The following SORBS2 variants were observed in gnomAD, a reference collection of about 807,000 sequenced individuals.
SORBS2 encodes sorbin and SH3 domain containing 2.
SORBS2 carries 46 observed loss-of-function variants against 97.7 expected under a neutral mutation model. The ratio of observed to expected loss-of-function variants is 0.47; its 90% CI spans 0.37 to 0.60. The LOEUF (loss-of-function observed/expected upper bound fraction) is 0.60, where lower values mean the gene tolerates loss of function less well. Ranked by LOEUF, SORBS2 falls within the 20% of genes least tolerant of loss-of-function variation. SORBS2 has a pLI of 0.00. For synonymous variants in SORBS2, 476 were observed against 473.4 expected, an observed-to-expected ratio of 1.01 and a Z score of -0.07; for missense variants, 1,316 against 1,282.3, an observed-to-expected ratio of 1.03 and a Z score of -0.40.
At chr4:185,640,459 C>T (rs1012004713) in intron 4 of SORBS2, among the ~76,000 whole-genome samples, 1 of 152,128 alleles carries the variant, frequency 6.6e-6, no homozygotes, top group African/African-American at 2.4e-5. Flanking sequence ...TCAGAGAGAA[C>T]ATCCTACTAT....
At chr4:185,799,689 A>G (rs1475309204) in intron 1 of SORBS2, among the ~76,000 whole-genome samples, 1 of 152,214 alleles carries the variant, frequency 6.6e-6, no homozygotes, top group African/African-American at 2.4e-5. Context: ...AACTCCCAGG[A>G]ACAACCAACA....
chr4:185,700,454 G>A (rs909063525), intron 2 of SORBS2, among the ~76,000 whole-genome samples: 8 of 151,954 alleles, frequency 5.3e-5, no homozygotes, highest in African/African-American at 1.9e-4. Flanking sequence ...ATGTACTTGA[G>A]GTTTATTTTT....
chr4:185,719,584 A>T (rs1157497980), intron 2 of SORBS2, among the ~76,000 whole-genome samples: 2 of 152,228 alleles, frequency 1.3e-5, no homozygotes, highest in African/African-American at 2.4e-5. Context: ...TTTGGTGGCA[A>T]GCATCATCAA....
chr4:185,680,247 G>C (rs543674936), intron 2 of SORBS2, among the ~76,000 whole-genome samples: 2 of 152,330 alleles, frequency 1.3e-5, no homozygotes, highest in East Asian at 3.9e-4. Context: ...GGGCTCAAGA[G>C]ATCCTACAGC....
At chr4:185,791,800 G>A (rs897573193) in intron 1 of SORBS2, among the ~76,000 whole-genome samples, 1 of 151,998 alleles carries the variant, frequency 6.6e-6, no homozygotes, top group African/African-American at 2.4e-5. Context: ...TCAACAAAGG[G>A]AAATTGTTCA....
At chr4:185,678,868 T>C (rs1582560749) in intron 2 of SORBS2, 46 bp from the exon 6 acceptor site, 3 of 1,174,730 alleles carry the variant, frequency 2.6e-6, no homozygotes, top group Non-Finnish European at 3.5e-6. Context: ...GTGAAATAAA[T>C]GAACAACCCA....
At chr4:185,950,885 C>T (rs1031503) in intron 1 of SORBS2, among the ~76,000 whole-genome samples, 26,795 of 152,016 alleles carry the variant, frequency 0.18, 2,969 homozygotes, top group East Asian at 0.58. Flanking sequence ...GAATAGGGTT[C>T]CCAGATGGTT....
At chr4:185,839,500 C>T (rs888829108) in intron 1 of SORBS2, among the ~76,000 whole-genome samples, 1 of 152,150 alleles carries the variant, frequency 6.6e-6, no homozygotes, top group Non-Finnish European at 1.5e-5. Context: ...ACAACATCCA[C>T]GTATTCTGCA....
chr4:185,883,179 C>A (rs2099237709), intron 1 of SORBS2, among the ~76,000 whole-genome samples: 1 of 151,958 alleles, frequency 6.6e-6, no homozygotes, highest in South Asian at 2.1e-4. Flanking sequence ...TATATTTAAA[C>A]CATAAAAAGA....
intron 1 of SORBS2, among the ~76,000 whole-genome samples, chr4:185,894,627 G>A (rs192081093): frequency 2.0e-4 from 30 of 152,286 alleles, no homozygotes; most frequent in Admixed American, 7.2e-4. Context: ...GTGCCTCCCT[G>A]TAATTGCTGC....
chr4:185,793,292 G>A (rs1012688812), intron 1 of SORBS2, among the ~76,000 whole-genome samples: 2 of 152,174 alleles, frequency 1.3e-5, no homozygotes, highest in African/African-American at 4.8e-5. Context: ...CTAGGCAGTG[G>A]CAGGATGGCT....
At chr4:185,949,794 G>A (rs1389387592) in intron 1 of SORBS2, among the ~76,000 whole-genome samples, 2 of 152,024 alleles carry the variant, frequency 1.3e-5, no homozygotes, top group African/African-American at 4.8e-5. Flanking sequence ...GACCTATTTG[G>A]GAACTATAAC....
At chr4:185,675,644 T>C (rs932905985) in intron 4 of SORBS2, among the ~76,000 whole-genome samples, 13 of 152,158 alleles carry the variant, frequency 8.5e-5, no homozygotes, top group African/African-American at 2.4e-4. Context: ...CTCCATGAGA[T>C]TGTGGCAATT....
In SORBS2 at chr4:185,765,470, G is replaced by A. The variant is rs370406144; in HGVS notation, c.-198+9757C>T. Among the ~76,000 whole-genome samples the A allele has an allele frequency of 3.4e-4, 51 of 152,178 alleles. 1 individual carries two copies. Among genetic ancestry groups the A allele is most frequent in the African/African-American group, 1.1e-3 (46 of 41,528 alleles). On this transcript the variant is annotated intron_variant, in intron 2 of 20. Transcript: ENST00000284776. ...ACACAAATGATTTTTAACATCAAAC[G>A]TTTTTTAATTTTGATATCCAAAATA... is the stretch of plus-strand genomic sequence containing the variant.
chr4:185,820,075 T>G (rs576529560), intron 1 of SORBS2, among the ~76,000 whole-genome samples: 1 of 152,304 alleles, frequency 6.6e-6, no homozygotes, highest in East Asian at 1.9e-4. Context: ...TGATTTATGG[T>G]GCGGCACTGG....
At chr4:185,780,409 G>A (rs759484769) in intron 1 of SORBS2, among the ~76,000 whole-genome samples, 3 of 152,198 alleles carry the variant, frequency 2.0e-5, no homozygotes, top group Admixed American at 6.5e-5. Context: ...CTCTGGGCAC[G>A]TAGCAAGCAT....
chr4:185,610,760 C>T (rs1247424538), intron 12 of SORBS2, among the ~76,000 whole-genome samples: 1 of 152,050 alleles, frequency 6.6e-6, no homozygotes, highest in Non-Finnish European at 1.5e-5. Context: ...ATTTTACCAG[C>T]TCTCGATGGT....
intron 2 of SORBS2, among the ~76,000 whole-genome samples, chr4:185,698,411 G>A (rs1235633930): frequency 6.6e-6 from 1 of 152,134 alleles, no homozygotes; most frequent in East Asian, 1.9e-4. Context: ...GGGAGGTGGA[G>A]GTTGCAGTGA....
chr4:185,691,871 A>C (rs746474275), intron 2 of SORBS2, among the ~76,000 whole-genome samples: 2 of 152,200 alleles, frequency 1.3e-5, no homozygotes, highest in Admixed American at 1.3e-4. Flanking sequence ...CAGCCTCCCA[A>C]GTAGCTGGGA....
Sources: gnomAD v4.1 joint callset for allele counts (sites outside exome capture counted in the v4.1 genomes callset) on GRCh38, gnomAD v4.1.1 for gene constraint, MANE v1.5 for transcripts, NCBI Gene and HGNC (gene_info 2026-07-23, HGNC 2026-07-21) for gene names.